KCNIP4: variants seen among roughly 807,000 people sequenced by gnomAD.
The protein encoded by KCNIP4 is Kv channel-interacting protein 4.
In KCNIP4, 12 loss-of-function variants were observed where a neutral mutation model predicts 34.0. The ratio of observed to expected loss-of-function variants is 0.35; its 90% CI spans 0.23 to 0.57. The LOEUF (loss-of-function observed/expected upper bound fraction) is 0.57. Ranked by LOEUF, KCNIP4 falls within the 20% of genes least tolerant of loss-of-function variation. KCNIP4 has a pLI of 0.83. For synonymous variants in KCNIP4, 124 were observed against 102.2 expected (o/e 1.21, Z -1.29); for missense variants, 238 against 311.7 (o/e 0.76, Z 1.78).
At chr4:21,520,718 AT>A (rs1735449263) in intron 1 of KCNIP4, among the ~76,000 whole-genome samples, 2 of 152,118 alleles carry the variant, frequency 1.3e-5, no homozygotes, top group Admixed American at 6.6e-5. Context: ...TGGATAGTTT[AT>A]TTTTAAATGA....
chr4:21,816,214 C>T (rs1721977680), intron 1 of KCNIP4, among the ~76,000 whole-genome samples: 1 of 152,066 alleles, frequency 6.6e-6, no homozygotes, highest in South Asian at 2.1e-4. Context: ...CAAAAATGTA[C>T]CCTAACATAG....
intron 1 of KCNIP4, among the ~76,000 whole-genome samples, chr4:21,491,187 A>G (rs1466442786): frequency 6.6e-6 from 1 of 152,116 alleles, no homozygotes; most frequent in Non-Finnish European, 1.5e-5. Flanking sequence ...CATCACAGGT[A>G]CCCTTGCAGC....
intron 1 of KCNIP4, among the ~76,000 whole-genome samples, chr4:21,495,207 G>T (rs1238396283): frequency 4.7e-5 from 7 of 149,970 alleles, no homozygotes; most frequent in African/African-American, 7.6e-5. Flanking sequence ...GGTTTGGTCA[G>T]TAAAGGGTGC....
At chr4:20,953,937 A>G (rs892835384) in intron 1 of KCNIP4, among the ~76,000 whole-genome samples, 5 of 152,164 alleles carry the variant, frequency 3.3e-5, no homozygotes, top group Non-Finnish European at 5.9e-5. Context: ...CAGGTTAGCA[A>G]GTAGAGTCAC....
intron 3 of KCNIP4, among the ~76,000 whole-genome samples, chr4:20,844,236 T>C (rs1044283373): frequency 4.8e-4 from 73 of 152,324 alleles, no homozygotes; most frequent in African/African-American, 1.6e-3. Context: ...TCGTGTTAAC[T>C]GCATAGGCTT....
At chr4:21,370,600 T>A (rs1323627347) in intron 1 of KCNIP4, among the ~76,000 whole-genome samples, 1 of 141,130 alleles carries the variant, frequency 7.1e-6, no homozygotes, top group Admixed American at 6.8e-5. Flanking sequence ...GTAGGGAGAT[T>A]TTCTGGTTTT....
At chr4:21,075,977 C>G (rs954886038) in intron 1 of KCNIP4, among the ~76,000 whole-genome samples, 7 of 152,178 alleles carry the variant, frequency 4.6e-5, no homozygotes, top group African/African-American at 9.7e-5. Context: ...CCACTCTCTT[C>G]TGGCTTGAAG....
At chr4:21,857,690 C>T (rs1407736496) in intron 1 of KCNIP4, among the ~76,000 whole-genome samples, 4 of 152,194 alleles carry the variant, frequency 2.6e-5, no homozygotes, top group Non-Finnish European at 5.9e-5. Flanking sequence ...CTTTGCCTTG[C>T]TCACTCTCCA....
intron 1 of KCNIP4, among the ~76,000 whole-genome samples, chr4:21,027,426 A>T (rs899852757): frequency 6.6e-6 from 1 of 151,968 alleles, no homozygotes; most frequent in African/African-American, 2.4e-5. Context: ...TAGATTAGAT[A>T]CGGGGCTGAG....
At chr4:21,561,285 T>C (rs574185731) in intron 1 of KCNIP4, among the ~76,000 whole-genome samples, 7 of 152,164 alleles carry the variant, frequency 4.6e-5, no homozygotes, top group African/African-American at 1.7e-4. Context: ...TGCCACGCAT[T>C]TTCCAATGTG....
intron 1 of KCNIP4, among the ~76,000 whole-genome samples, chr4:21,232,967 C>T (rs545195310): frequency 1.3e-5 from 2 of 152,088 alleles, no homozygotes; most frequent in Admixed American, 6.6e-5. Flanking sequence ...GGGGGCAACA[C>T]TTAATCTGGA....
chr4:21,364,392 C>T (rs1719516145), intron 1 of KCNIP4, among the ~76,000 whole-genome samples: 2 of 151,976 alleles, frequency 1.3e-5, no homozygotes, highest in African/African-American at 4.8e-5. Flanking sequence ...AGGCAGAATA[C>T]TATTATATAA....
chr4:21,746,229 T>C (rs1261463914), intron 1 of KCNIP4, among the ~76,000 whole-genome samples: 2 of 152,188 alleles, frequency 1.3e-5, no homozygotes, highest in East Asian at 3.8e-4. Flanking sequence ...TATAGTATCA[T>C]GCTGAGGTTT....
chr4:21,880,206 T>G (rs1726386377), intron 1 of KCNIP4, among the ~76,000 whole-genome samples: 1 of 152,196 alleles, frequency 6.6e-6, no homozygotes, highest in South Asian at 2.1e-4. Context: ...ATAACTGCAT[T>G]TATTGACCAA....
intron 1 of KCNIP4, among the ~76,000 whole-genome samples, chr4:21,872,746 C>T (rs1725889639): frequency 6.6e-6 from 1 of 152,048 alleles, no homozygotes; most frequent in Non-Finnish European, 1.5e-5. Context: ...GGGGAGTATG[C>T]CTGAAGAGAT....
chr4:21,340,537 C>T (rs962705118), intron 1 of KCNIP4, among the ~76,000 whole-genome samples: 1 of 152,022 alleles, frequency 6.6e-6, no homozygotes, highest in Non-Finnish European at 1.5e-5. Flanking sequence ...TGGTATAGTA[C>T]AAGGCTGTGG....
At chr4:21,778,155 A>C (rs1277156720) in intron 1 of KCNIP4, among the ~76,000 whole-genome samples, 1 of 151,338 alleles carries the variant, frequency 6.6e-6, no homozygotes, top group Non-Finnish European at 1.5e-5. Context: ...AACTCTTATG[A>C]TCAAAAGGAA....
At chr4:21,093,646 A>G (rs1747194147) in intron 1 of KCNIP4, among the ~76,000 whole-genome samples, 1 of 152,226 alleles carries the variant, frequency 6.6e-6, no homozygotes, top group African/African-American at 2.4e-5. Flanking sequence ...ATACCGAGTT[A>G]CAGATACTAT....
At chr4:21,769,580 T>G (rs1298747513) in intron 1 of KCNIP4, among the ~76,000 whole-genome samples, 1 of 152,160 alleles carries the variant, frequency 6.6e-6, no homozygotes, top group African/African-American at 2.4e-5. Flanking sequence ...ATTCCCTCTG[T>G]CATGCAAGAA....
Sources: allele counts gnomAD v4.1 joint callset (sites outside exome capture counted in the v4.1 genomes callset), GRCh38; gene constraint gnomAD v4.1.1; transcripts MANE v1.5; gene names NCBI Gene and HGNC (gene_info 2026-07-23, HGNC 2026-07-21).